GRM3: variants seen among roughly 807,000 people sequenced by gnomAD.
GRM3 encodes glutamate metabotropic receptor 3.
A neutral mutation model predicts 70.5 loss-of-function variants in GRM3; 26 were observed. The ratio of observed to expected loss-of-function variants is 0.37; its 90% confidence interval spans 0.27 to 0.51. The LOEUF (loss-of-function observed/expected upper bound fraction) is 0.51. Among genes scored for constraint, GRM3 ranks in the 20% least tolerant of loss-of-function variants. The probability of loss-of-function intolerance (pLI) is 0.93; values close to 1 mark genes in which losing one functional copy is unlikely to be tolerated. For synonymous variants in GRM3, 443 were observed against 434.9 expected (o/e 1.02, Z -0.23); for missense variants, 859 against 1,123.8 (o/e 0.76, Z 3.37).
chr7:86,728,905 C>T (rs555856746), intron 1 of GRM3, among the ~76,000 whole-genome samples: 24 of 152,102 alleles, frequency 1.6e-4, no homozygotes, highest in Non-Finnish European at 3.2e-4. Flanking sequence ...AAACTTAATT[C>T]CTTTATTTCC....
chr7:86,671,469 A>T (rs188443325), intron 1 of GRM3, among the ~76,000 whole-genome samples: 66 of 152,276 alleles, frequency 4.3e-4, no homozygotes, highest in Admixed American at 3.7e-3. Flanking sequence ...TTATTTACCA[A>T]ATTCTGTGCC....
chr7:86,824,890 A>G (rs924101304), intron 3 of GRM3, among the ~76,000 whole-genome samples: 3 of 150,766 alleles, frequency 2.0e-5, no homozygotes, highest in African/African-American at 7.5e-5. Flanking sequence ...AGTCAATTTT[A>G]TCTATCTTAT....
intron 1 of GRM3, among the ~76,000 whole-genome samples, chr7:86,685,129 T>C (rs1794533196): frequency 6.6e-6 from 1 of 152,286 alleles, no homozygotes; most frequent in Middle Eastern, 3.4e-3. Context: ...ATGACTTCCA[T>C]CCTCAATTAA....
In GRM3 at chr7:86,841,390, A is replaced by C. The variant is rs1358534591; in HGVS notation, c.2391+1485A>C. ...TTAAAAAGAGGAAACATCAGAGCTG[A>C]TCGGCAAAGTCAAAGAGTGGAGTAT... is the stretch of plus-strand genomic sequence containing the variant. On this transcript the variant is annotated intron_variant, in intron 4 of 5. Transcript: ENST00000361669. 2.0e-5 allele frequency among the ~76,000 whole-genome samples: 3 copies of C among 152,320 alleles called. No homozygotes were observed. The East Asian group carries it at 5.8e-4, about 29-fold the overall frequency.
At chr7:86,836,912 A>G (rs954533878) in intron 3 of GRM3, among the ~76,000 whole-genome samples, 2 of 152,186 alleles carry the variant, frequency 1.3e-5, no homozygotes, top group African/African-American at 4.8e-5. Context: ...CACAAAGTCC[A>G]TCTAACCCCA....
At chr7:86,724,039 G>A (rs760976278) in intron 1 of GRM3, among the ~76,000 whole-genome samples, 31 of 152,120 alleles carry the variant, frequency 2.0e-4, no homozygotes, top group Non-Finnish European at 4.4e-4. Context: ...CCTGGAAGAG[G>A]TGTTTTTGTC....
intron 3 of GRM3, among the ~76,000 whole-genome samples, chr7:86,831,304 C>A (rs1798347364): frequency 6.6e-6 from 1 of 152,026 alleles, no homozygotes; most frequent in Non-Finnish European, 1.5e-5. Flanking sequence ...CCCACTTTTT[C>A]AAAATGCTTT....
chr7:86,675,990 G>A (rs371687750), intron 1 of GRM3, among the ~76,000 whole-genome samples: 2 of 151,644 alleles, frequency 1.3e-5, no homozygotes, highest in East Asian at 3.9e-4. Context: ...ACCCAAGCAA[G>A]AACAATAAAT....
intron 3 of GRM3, among the ~76,000 whole-genome samples, chr7:86,800,402 T>G (rs1459348546): frequency 6.6e-6 from 1 of 151,998 alleles, no homozygotes; most frequent in Non-Finnish European, 1.5e-5. Flanking sequence ...CTGGCTAGAC[T>G]AATAAAGAAA....
chr7:86,778,445 G>A (rs1796954185), intron 2 of GRM3, among the ~76,000 whole-genome samples: 1 of 151,948 alleles, frequency 6.6e-6, no homozygotes, highest in South Asian at 2.1e-4. Context: ...TTTGTCTTGT[G>A]TTGAAAAAAA....
chr7:86,764,349 G>A (rs1033571956), intron 1 of GRM3, among the ~76,000 whole-genome samples: 4 of 152,072 alleles, frequency 2.6e-5, no homozygotes, highest in Admixed American at 1.3e-4. Flanking sequence ...TTCAATTAAG[G>A]TCAAGTAAAA....
chr7:86,723,348 G>A lies in GRM3; in HGVS notation c.-140-41658G>A, dbSNP rs529436544. Among the ~76,000 whole-genome samples the A allele has an allele frequency of 2.6e-5, 4 of 152,272 alleles. No homozygotes were observed. The South Asian group carries it at 8.3e-4, about 32-fold the overall frequency. ...TACCTACTCTAGAGAATGCTGGCAA[G>A]TGATATTCTTCTAGTACATAGAGAA... On this transcript the variant is annotated intron_variant, in intron 1 of 5. Transcript: ENST00000361669.
rs550721288 is a variant in GRM3, at chr7:86,768,219, A to G, written c.468+2606A>G. 8.0e-4 allele frequency among the ~76,000 whole-genome samples: 122 copies of G among 152,308 alleles called. No individual in the cohort carries two copies. The Middle Eastern group carries it at 0.02, about 25-fold the overall frequency. On this transcript the variant is annotated intron_variant, in intron 2 of 5. Coordinates refer to ENST00000361669, the MANE Select transcript of GRM3 (RefSeq NM_000840.3). Reference sequence around the variant, plus strand: ...AAAATCTGTGGAAAATGCCTCACCAAAAACTGACAGATTCAATAAATGGTA... The same window carrying G: ...AAAATCTGTGGAAAATGCCTCACCAGAAACTGACAGATTCAATAAATGGTA...
chr7:86,735,833 G>A (rs2116299628), intron 1 of GRM3, among the ~76,000 whole-genome samples: 1 of 152,268 alleles, frequency 6.6e-6, no homozygotes, highest in African/African-American at 2.4e-5. Context: ...TATAAATAAA[G>A]TTTAAAAACC....
chr7:86,670,423 C>T (rs140039547), intron 1 of GRM3, among the ~76,000 whole-genome samples: 62 of 152,270 alleles, frequency 4.1e-4, no homozygotes, highest in African/African-American at 1.4e-3. Context: ...GTCAATTTCT[C>T]GTGTCTTTTA....
At chr7:86,746,597 C>T (rs1796111630) in intron 1 of GRM3, among the ~76,000 whole-genome samples, 1 of 151,820 alleles carries the variant, frequency 6.6e-6, no homozygotes, top group Non-Finnish European at 1.5e-5. Flanking sequence ...CCACATAGCT[C>T]AGCAGAATCC....
chr7:86,694,252 G>C (rs574130883), intron 1 of GRM3, among the ~76,000 whole-genome samples: 1 of 152,036 alleles, frequency 6.6e-6, no homozygotes, highest in Non-Finnish European at 1.5e-5. Context: ...AAGGCCGGGC[G>C]TGGTGGCTCA....
rs575317770 is a variant in GRM3, at chr7:86,683,400, G to GT, written c.-141+38530dup. Among the ~76,000 whole-genome samples the GT allele has an allele frequency of 5.2e-3, 794 of 152,280 alleles. 9 individuals carry two copies. The highest frequency in any genetic ancestry group is 0.022 in the South Asian group (104 of 4,822). On this transcript the variant is annotated intron_variant, in intron 1 of 5. Coordinates refer to ENST00000361669, the MANE Select transcript of GRM3 (RefSeq NM_000840.3). ...CTGTGCACCACAAAGATGGAGGTAT[G>GT]TTGTACACATCAATTCAGAGCTCAG... is the stretch of plus-strand genomic sequence containing the variant.
intron 1 of GRM3, among the ~76,000 whole-genome samples, chr7:86,646,660 A>G (rs981202188): frequency 6.6e-6 from 1 of 152,164 alleles, no homozygotes; most frequent in African/African-American, 2.4e-5. Context: ...GGCCCTTACC[A>G]GTGAAATGTG....
Sources: allele counts gnomAD v4.1 joint callset (sites outside exome capture counted in the v4.1 genomes callset), GRCh38; gene constraint gnomAD v4.1.1; transcripts MANE v1.5; gene names NCBI Gene and HGNC (gene_info 2026-07-23, HGNC 2026-07-21).